Variants in ELOVL3 observed in about 807,000 individuals in gnomAD.
ELOVL3 encodes the protein very long chain fatty acid elongase 3.
In ELOVL3, 11 loss-of-function variants were observed where a neutral mutation model predicts 14.9. That is an observed-to-expected ratio of 0.74 (90% CI 0.46 to 1.22). The LOEUF (loss-of-function observed/expected upper bound fraction) is 1.22. Among genes scored for constraint, ELOVL3 ranks in the 50% most tolerant of loss-of-function variants. ELOVL3 has a pLI of 0.00. For missense variants in ELOVL3, 277 were observed against 338.9 expected, an observed-to-expected ratio of 0.82 and a Z score of 1.43; for synonymous variants, 117 against 124.7, an observed-to-expected ratio of 0.94 and a Z score of 0.41.
rs962844286 is a variant in ELOVL3 at position 102,226,449 on chromosome 10, C to G, written c.-100C>G. On this transcript the variant is annotated 5_prime_UTR_variant, in exon 1 of 4. Coordinates refer to ENST00000370005, the MANE Select transcript of ELOVL3 (RefSeq NM_152310.3). ...CTTTGCCCAGGAGTTCCTTCTGTCC[C>G]GGCTCTGTTCCGTCTCGCCCCGAGG... 6 of 798,712 alleles carry G rather than the reference C, an allele frequency of 7.5e-6. No individual in the cohort carries two copies. The African/African-American group carries it at 8.6e-5, about 12-fold the overall frequency. 49.5% of individuals were successfully genotyped at this position (798,712 alleles called of 1,614,324 possible).
rs1337935354 is a variant in ELOVL3 at position 102,226,336 on chromosome 10, T to A, written c.-213T>A. 1.9e-6 allele frequency: 1 copy of A among 538,868 alleles called. No homozygotes were observed. The highest frequency in any genetic ancestry group is 3.3e-6 in the Non-Finnish European group (1 of 303,054). The allele number at this position is 538,868 out of a possible 1,614,324, so 33.4% of individuals were successfully genotyped here. On this transcript the variant is annotated 5_prime_UTR_variant, in exon 1 of 4. Coordinates refer to ENST00000370005, the MANE Select transcript of ELOVL3 (RefSeq NM_152310.3). ...TCGCGCCAGCCCGGGCAGGCAGCTT[T>A]GCAAGTCCGCGTTATATATCGCAGT...
At position 102,228,429 on chromosome 10, in the gene ELOVL3, A is replaced by G; in HGVS notation, c.246A>G (p.Ala82=). The part of the protein sequence containing the change: ...FCLAIFSILG[A]VRMWGIMGTV... ...TGTCCCATTTCAGTATCCTGGGGGC[A>G]GTGAGGATGTGGGGCATTATGGGGA... The change falls in exon 3 of 4, where the codon GCA becomes GCG. Residue 82 remains alanine (A), a synonymous_variant. Transcript: ENST00000370005. 6.2e-7 allele frequency: 1 copy of G among 1,614,068 alleles called. No homozygotes were observed. The highest frequency in any genetic ancestry group is 8.5e-7 in the Non-Finnish European group (1 of 1,179,960).
rs936027050 is a variant in ELOVL3, at chr10:102,226,400, T to A, written c.-149T>A. The A allele has an allele frequency of 3.4e-6, 2 of 596,678 alleles. No individual in the cohort carries two copies. Among genetic ancestry groups the A allele is most frequent in the Non-Finnish European group, 5.9e-6 (2 of 336,282 alleles). The allele number at this position is 596,678 out of a possible 1,614,324, so 37.0% of individuals were successfully genotyped here. A position where few individuals can be genotyped will look rare whatever the true frequency, so the allele number is the denominator to read the frequency against. On this transcript the variant is annotated 5_prime_UTR_variant, in exon 1 of 4. It removes an upstream start codon present in the reference 5' UTR. Transcript: ENST00000370005. Reference sequence around the variant, plus strand: ...ATAGCTGGCTGCGCCGCCGCGCACATGCCTAGGTTCGACGCCCTCCTCCCT... The same window carrying A: ...ATAGCTGGCTGCGCCGCCGCGCACAAGCCTAGGTTCGACGCCCTCCTCCCT...
chr10:102,225,089 G>C (rs771486341), upstream of ELOVL3, among the ~76,000 whole-genome samples: 3 of 152,226 alleles, frequency 2.0e-5, no homozygotes, highest in Non-Finnish European at 4.4e-5. Context: ...TGAGGCTCAG[G>C]AATCTGGTAA....
At chr10:102,228,731 C>T in intron 3 of ELOVL3, 94 bp from the exon 4 acceptor site, 2 of 1,447,940 alleles carry the variant, frequency 1.4e-6, no homozygotes, top group Non-Finnish European at 1.9e-6. Context: ...GACCCCCTTC[C>T]CTCCCCTGAG....
rs2070135767 is a variant in ELOVL3, at chr10:102,226,373, G to A, written c.-176G>A. ...TTATATATCGCAGTGGCTGCGCCCG[G>A]GATAGCTGGCTGCGCCGCCGCGCAC... On this transcript the variant is annotated 5_prime_UTR_variant, in exon 1 of 4. Transcript: ENST00000370005. 10 of 574,992 alleles carry A rather than the reference G, an allele frequency of 1.7e-5. No homozygotes were observed. Among genetic ancestry groups the A allele is most frequent in the South Asian group, 1.7e-4 (8 of 48,202 alleles). The allele number at this position is 574,992 out of a possible 1,614,324, so 35.6% of individuals were successfully genotyped here.
chr10:102,227,562 T>C, intron 1 of ELOVL3, 64 bp from the exon 2 acceptor site: 1 of 1,557,262 alleles, frequency 6.4e-7, no homozygotes, highest in Non-Finnish European at 8.7e-7. Flanking sequence ...CCTGGAGAGA[T>C]GAGTGGGCAT....
At position 102,229,434 on chromosome 10, in the gene ELOVL3, C is replaced by G; in HGVS notation, c.*182C>G. The G allele has an allele frequency of 1.6e-6, 1 of 608,360 alleles. No homozygotes were observed. Among genetic ancestry groups the G allele is most frequent in the East Asian group, 2.8e-5 (1 of 35,604 alleles). 37.7% of individuals were successfully genotyped at this position (608,360 alleles called of 1,614,324 possible). ...GGTGACCTTGGGATGGGGGTGTGGTCTGTTACTTTAATGTTTCTGTTTTTA... is the reference window on the plus strand; with the variant it reads ...GGTGACCTTGGGATGGGGGTGTGGTGTGTTACTTTAATGTTTCTGTTTTTA... On this transcript the variant is annotated 3_prime_UTR_variant, in exon 4 of 4. Transcript: ENST00000370005.
Position 102,227,732 on chromosome 10 carries a change from T to A in ELOVL3, c.208T>A (p.Trp70Arg). Reference protein sequence around the residue: ...GFNLQGPLILWSFCLAIFSIL... With the variant: ...GFNLQGPLILRSFCLAIFSIL... ...CAACCTGCAAGGGCCTCTCATCCTCTGGTCCTTCTGCCTTGCAATCTTCAG... is the reference window on the plus strand; with the variant it reads ...CAACCTGCAAGGGCCTCTCATCCTCAGGTCCTTCTGCCTTGCAATCTTCAG... Residue 70 changes from tryptophan (W) to arginine (R), a missense_variant, in exon 2 of 4, where the codon TGG (tryptophan) becomes AGG (arginine). By Grantham distance (101) the Trp-to-Arg change is moderately radical. Transcript: ENST00000370005. The A allele has an allele frequency of 6.2e-7, 1 of 1,613,882 alleles. No individual in the cohort carries two copies. The highest frequency in any genetic ancestry group is 8.5e-7 in the Non-Finnish European group (1 of 1,179,904).
At chr10:102,226,704 G>A in intron 1 of ELOVL3, 55 bp downstream of exon 1, 1 of 1,300,282 alleles carries the variant, frequency 7.7e-7, no homozygotes. Context: ...CGGGGCGCGA[G>A]GGGGTGGCAT....
chr10:102,225,093 C>T (rs1396631862), upstream of ELOVL3, among the ~76,000 whole-genome samples: 1 of 152,216 alleles, frequency 6.6e-6, no homozygotes, highest in African/African-American at 2.4e-5. Flanking sequence ...GCTCAGGAAT[C>T]TGGTAATCAG....
Position 102,227,622 on chromosome 10 carries a change from C to A in ELOVL3, c.102-4C>A. 6.2e-7 allele frequency: 1 copy of A among 1,611,572 alleles called. No individual in the cohort carries two copies. The highest frequency in any genetic ancestry group is 8.5e-7 in the Non-Finnish European group (1 of 1,178,600). On this transcript the variant is annotated splice_region_variant and splice_polypyrimidine_tract_variant and intron_variant, in intron 1 of 3. Transcript: ENST00000370005. ...AGCCCATCCCTCTGCCTTCTGCTTG[C>A]CAGGGCAACCTCATTCCCCATAGCC...
At position 102,226,646 on chromosome 10, in the gene ELOVL3, A is replaced by G. The variant is rs774328041; in HGVS notation, c.98A>G (p.Tyr33Cys). The change falls in exon 1 of 4, where the codon TAT becomes TGT. Residue 33 changes from tyrosine to cysteine, a missense_variant. Physicochemically the swap from Tyr to Cys is radical, Grantham distance 194. Coordinates refer to ENST00000370005, the MANE Select transcript of ELOVL3 (RefSeq NM_152310.3). ...GACATGAGGCCCTTTTTCGAGGAGT[A>G]TTGGTGAGACTTTGGGAGAGGGAAA... ...SKDMRPFFEEYWATSFPIALI... is the reference protein window; with the variant it reads ...SKDMRPFFEECWATSFPIALI... The G allele has an allele frequency of 5.0e-6, 8 of 1,612,724 alleles. No individual in the cohort carries two copies. The Admixed American group carries it at 1.2e-4, about 24-fold the overall frequency.
At position 102,229,005 on chromosome 10, in the gene ELOVL3, C is replaced by G. The variant is rs2070168699; in HGVS notation, c.566C>G (p.Ala189Gly). The part of the protein sequence containing the change: ...AIMYTYYTLK[A>G]ANVKPPKMLP... The stretch of plus-strand genomic sequence containing the variant: ...ATGTACACCTACTACACTCTGAAGG[C>G]TGCCAACGTGAAGCCCCCCAAGATG... Residue 189 changes from alanine (A) to glycine (G), a missense_variant, in exon 4 of 4, where the codon GCT becomes GGT. Transcript: ENST00000370005. The G allele has an allele frequency of 1.2e-6, 2 of 1,614,066 alleles. No individual in the cohort carries two copies.
Position 102,228,852 on chromosome 10 carries a change from A to G in ELOVL3, c.413A>G (p.Lys138Arg). ...GACACAGCCTTCATCATCCTGCGTA[A>G]GCGGCCACTCATCTTTATTCACTGG... Reference protein sequence around the residue: ...LGDTAFIILRKRPLIFIHWYH... With the variant: ...LGDTAFIILRRRPLIFIHWYH... Residue 138 changes from lysine (K) to arginine (R), a missense_variant, in exon 4 of 4, where the codon AAG becomes AGG. Transcript: ENST00000370005. 1 of 1,613,184 alleles carries G rather than the reference A, an allele frequency of 6.2e-7. No homozygotes were observed. The highest frequency in any genetic ancestry group is 8.5e-7 in the Non-Finnish European group (1 of 1,179,298).
rs1419763247 is a variant in ELOVL3, at chr10:102,227,744, C to T, written c.220C>T (p.Leu74Phe). 6.2e-7 allele frequency: 1 copy of T among 1,613,834 alleles called. No homozygotes were observed. The highest frequency in any genetic ancestry group is 2.2e-5 in the East Asian group (1 of 44,864). ...QGPLILWSFC[L>F]AIFSILGAVR... is the part of the protein sequence containing the mutation. ...GCCTCTCATCCTCTGGTCCTTCTGC[C>T]TTGCAATCTTCAGGTAAGACCCCAT... The change falls in exon 2 of 4, where the codon CTT becomes TTT. Residue 74 changes from leucine to phenylalanine, a missense_variant. Transcript: ENST00000370005.
In ELOVL3 at chr10:102,228,839, A is replaced by G. The variant is rs774537493; in HGVS notation, c.400A>G (p.Ile134Val). The G allele has an allele frequency of 1.2e-5, 20 of 1,611,134 alleles. No homozygotes were observed. The highest frequency in any genetic ancestry group is 9.3e-6 in the Non-Finnish European group (11 of 1,178,028). The stretch of plus-strand genomic sequence containing the variant: ...CCATCTCCCAGGAGACACAGCCTTC[A>G]TCATCCTGCGTAAGCGGCCACTCAT... ...KVIELGDTAFIILRKRPLIFI... is the reference protein window; with the variant it reads ...KVIELGDTAFVILRKRPLIFI... The change falls in exon 4 of 4, where the codon ATC (isoleucine) becomes GTC (valine). Residue 134 changes from isoleucine to valine, a missense_variant. Physicochemically the swap from Ile to Val is conservative, Grantham distance 29 (BLOSUM62 3). Transcript: ENST00000370005.
chr10:102,228,402 T>C lies in ELOVL3; in HGVS notation c.234-15T>C. ...GGGGATGACACTTACACCATCTTCCTTTGTCCCATTTCAGTATCCTGGGGG... is the reference window on the plus strand; with the variant it reads ...GGGGATGACACTTACACCATCTTCCCTTGTCCCATTTCAGTATCCTGGGGG... On this transcript the variant is annotated splice_polypyrimidine_tract_variant and intron_variant, in intron 2 of 3. Coordinates refer to ENST00000370005, the MANE Select transcript of ELOVL3 (RefSeq NM_152310.3). 1.9e-6 allele frequency: 3 copies of C among 1,612,790 alleles called. No individual in the cohort carries two copies. The highest frequency in any genetic ancestry group is 2.5e-6 in the Non-Finnish European group (3 of 1,179,180).
In ELOVL3 at chr10:102,229,209, C is replaced by A. The variant is rs1230347809; in HGVS notation, c.770C>A (p.Thr257Asn). 6.2e-7 allele frequency: 1 copy of A among 1,613,790 alleles called. No individual in the cohort carries two copies. The highest frequency in any genetic ancestry group is 1.7e-5 in the Admixed American group (1 of 60,010). ...FILFAHFFCQ[T>N]YIRPKVKAKT... Reference sequence around the variant, plus strand: ...CTCTTTGCCCACTTCTTCTGCCAGACCTACATCAGGCCCAAGGTCAAAGCC... The same window carrying A: ...CTCTTTGCCCACTTCTTCTGCCAGAACTACATCAGGCCCAAGGTCAAAGCC... Residue 257 changes from threonine to asparagine, a missense_variant, in exon 4 of 4, where the codon ACC becomes AAC. Coordinates refer to ENST00000370005, the MANE Select transcript of ELOVL3 (RefSeq NM_152310.3).
Sources: gnomAD v4.1 joint callset for allele counts (sites outside exome capture counted in the v4.1 genomes callset) on GRCh38, gnomAD v4.1.1 for gene constraint, MANE v1.5 for transcripts, NCBI Gene and HGNC (gene_info 2026-07-23, HGNC 2026-07-21) for gene names.